The following CDK14 variants were observed in gnomAD, a reference collection of about 807,000 sequenced individuals.
CDK14 encodes the protein cyclin-dependent kinase 14.
CDK14 carries 34 observed loss-of-function variants against 60.7 expected under a neutral mutation model. The observed-to-expected ratio is 0.56, with a 90% CI of 0.43 to 0.75. The LOEUF is 0.75. Among genes scored for constraint, CDK14 ranks in the 30% least tolerant of loss-of-function variants. The pLI, the probability that CDK14 is intolerant of heterozygous loss-of-function variation, is 0.00. For synonymous variants in CDK14, 197 were observed against 203.7 expected (o/e 0.97, Z 0.28); for missense variants, 482 against 564.1 (o/e 0.85, Z 1.47).
At chr7:90,649,373 C>CTTT (rs1800565653) in intron 2 of CDK14, among the ~76,000 whole-genome samples, 1 of 49,322 alleles carries the variant, frequency 2.0e-5, no homozygotes, top group Non-Finnish European at 3.5e-5. Context: ...TCCTTTCCTT[C>CTTT]CTTCCTTCCT....
At chr7:91,010,797 C>CGTCT (rs1796131105) in intron 10 of CDK14, among the ~76,000 whole-genome samples, 1 of 100,266 alleles carries the variant, frequency 1.0e-5, no homozygotes, top group Admixed American at 9.9e-5. Flanking sequence ...TCCCTCCTTC[C>CGTCT]TTCTTTCCTT....
At chr7:90,635,843 C>T (rs1800132066) in intron 2 of CDK14, among the ~76,000 whole-genome samples, 2 of 151,650 alleles carry the variant, frequency 1.3e-5, no homozygotes, top group South Asian at 4.2e-4. Flanking sequence ...TTGAAGAGGT[C>T]CTTCACGTCC....
At chr7:90,943,471 A>G (rs2117518504) in intron 8 of CDK14, among the ~76,000 whole-genome samples, 1 of 152,332 alleles carries the variant, frequency 6.6e-6, no homozygotes, top group South Asian at 2.1e-4. Context: ...TTATTTATCT[A>G]AAATTTAAAT....
At chr7:90,852,324 A>C (rs181796273) in intron 5 of CDK14, among the ~76,000 whole-genome samples, 38 of 152,344 alleles carry the variant, frequency 2.5e-4, no homozygotes, top group Non-Finnish European at 7.3e-5. Flanking sequence ...ACATTTTGCT[A>C]TATGTAACTT....
At chr7:91,136,025 T>A (rs1277985832) in intron 14 of CDK14, among the ~76,000 whole-genome samples, 1 of 151,980 alleles carries the variant, frequency 6.6e-6, no homozygotes, top group Non-Finnish European at 1.5e-5. Flanking sequence ...TGAAAAAAAA[T>A]GAGGCAGATA....
chr7:90,597,626 G>C (rs936191391), intron 1 of CDK14, among the ~76,000 whole-genome samples: 3 of 152,180 alleles, frequency 2.0e-5, no homozygotes, highest in Non-Finnish European at 4.4e-5. Flanking sequence ...CGAGTCCCTA[G>C]GAAGCTGCCT....
intron 14 of CDK14, among the ~76,000 whole-genome samples, chr7:91,134,019 A>G (rs1308241840): frequency 3.9e-5 from 6 of 152,212 alleles, no homozygotes; most frequent in African/African-American, 1.2e-4. Context: ...GCCAAAAGCA[A>G]AAAGAGGAGC....
At chr7:90,939,798 A>G in intron 8 of CDK14, among the ~76,000 whole-genome samples, 1 of 151,994 alleles carries the variant, frequency 6.6e-6, no homozygotes, top group Admixed American at 6.6e-5. Flanking sequence ...TAGTAGCTAA[A>G]TGAGCTATTA....
chr7:90,744,671 G>A (rs1378741477), intron 3 of CDK14, among the ~76,000 whole-genome samples: 25 of 144,806 alleles, frequency 1.7e-4, no homozygotes, highest in Admixed American at 1.4e-3. Context: ...CGGACGGGGC[G>A]GCTGGCCGGG....
At chr7:91,106,520 A>G (rs1215510880) in intron 12 of CDK14, among the ~76,000 whole-genome samples, 1 of 152,226 alleles carries the variant, frequency 6.6e-6, no homozygotes, top group Admixed American at 6.5e-5. Flanking sequence ...AAATAATAAC[A>G]GTAACAGTAA....
At chr7:90,782,189 G>A (rs934780722) in intron 4 of CDK14, among the ~76,000 whole-genome samples, 1 of 152,028 alleles carries the variant, frequency 6.6e-6, no homozygotes, top group Non-Finnish European at 1.5e-5. Context: ...ATTGTGAATG[G>A]GAGTTCACTC....
chr7:90,815,377 C>T (rs1486513051), intron 5 of CDK14, among the ~76,000 whole-genome samples: 1 of 152,214 alleles, frequency 6.6e-6, no homozygotes, highest in Non-Finnish European at 1.5e-5. Flanking sequence ...GATATCATCT[C>T]ATGCCAGTTA....
At chr7:90,620,080 A>G (rs891923030) in intron 2 of CDK14, among the ~76,000 whole-genome samples, 4 of 152,196 alleles carry the variant, frequency 2.6e-5, no homozygotes, top group Non-Finnish European at 5.9e-5. Flanking sequence ...AAGTATGTAT[A>G]TTAAATGTTT....
chr7:90,659,754 G>A (rs867766028), intron 2 of CDK14, among the ~76,000 whole-genome samples: 1 of 151,976 alleles, frequency 6.6e-6, no homozygotes, highest in Non-Finnish European at 1.5e-5. Context: ...TACAAAGGGC[G>A]GTGGGAAAGT....
chr7:91,127,853 CAG>C (rs1411629744), intron 14 of CDK14, among the ~76,000 whole-genome samples: 2 of 152,074 alleles, frequency 1.3e-5, no homozygotes, highest in Non-Finnish European at 1.5e-5. Flanking sequence ...AGTGGCAAAA[CAG>C]AAAATAGTAT....
At chr7:91,008,127 CAAAAA>C (rs56082719) in intron 10 of CDK14, among the ~76,000 whole-genome samples, 1 of 62,586 alleles carries the variant, frequency 1.6e-5, no homozygotes, top group Non-Finnish European at 3.1e-5. Context: ...GGGAGAAGGC[CAAAAA>C]AAAAAAAAAA....
At chr7:90,843,964 A>G (rs1171117812) in intron 5 of CDK14, among the ~76,000 whole-genome samples, 1 of 152,176 alleles carries the variant, frequency 6.6e-6, no homozygotes, top group African/African-American at 2.4e-5. Flanking sequence ...GGAAAAGGTA[A>G]GCATTTTCAC....
At chr7:91,107,874 A>G (rs548950565) in intron 12 of CDK14, 1 of 152,342 alleles carries the variant, frequency 6.6e-6, no homozygotes, top group South Asian at 2.1e-4. Context: ...ATATTAGCCA[A>G]TGTGTAGGCT....
At chr7:90,951,955 A>G (rs917234042) in intron 8 of CDK14, among the ~76,000 whole-genome samples, 6 of 152,302 alleles carry the variant, frequency 3.9e-5, no homozygotes, top group African/African-American at 1.4e-4. Flanking sequence ...AAAAAACTCA[A>G]AATAAGGCCC....
Sources: allele counts gnomAD v4.1 joint callset (sites outside exome capture counted in the v4.1 genomes callset), GRCh38; gene constraint gnomAD v4.1.1; transcripts MANE v1.5; gene names NCBI Gene and HGNC (gene_info 2026-07-23, HGNC 2026-07-21).